The following CCDC192 variants were observed in gnomAD, a reference collection of about 807,000 sequenced individuals.
The protein encoded by CCDC192 is coiled-coil domain-containing protein 192.
chr5:127,791,164 A>G (rs1195175306), intron 3 of CCDC192, among the ~76,000 whole-genome samples: 3 of 152,204 alleles, frequency 2.0e-5, no homozygotes, highest in African/African-American at 7.2e-5. Flanking sequence ...CATCTGAAAA[A>G]TTGTGTACAG....
chr5:127,939,672 A>G (rs1754314517), intron 6 of CCDC192, among the ~76,000 whole-genome samples: 1 of 139,012 alleles, frequency 7.2e-6, no homozygotes, highest in Non-Finnish European at 1.5e-5. Flanking sequence ...TTGTTGAGAA[A>G]CGGGTTATTT....
intron 3 of CCDC192, among the ~76,000 whole-genome samples, chr5:127,794,660 TTACA>T (rs5871274): frequency 0.14 from 21,518 of 152,046 alleles, 3,500 homozygotes; most frequent in African/African-American, 0.38. Flanking sequence ...CTACAAATTC[TTACA>T]TATAATAAAT....
intron 2 of CCDC192, among the ~76,000 whole-genome samples, chr5:127,750,211 G>C (rs1561464691): frequency 6.6e-6 from 1 of 152,072 alleles, no homozygotes; most frequent in African/African-American, 2.4e-5. Flanking sequence ...ATGTTAGGGT[G>C]TCAATTTTGC....
intron 5 of CCDC192, among the ~76,000 whole-genome samples, chr5:127,808,852 A>G (rs1757931699): frequency 6.6e-6 from 1 of 152,182 alleles, no homozygotes; most frequent in Non-Finnish European, 1.5e-5. Context: ...GGTGCTCAGT[A>G]AATACCTTGT....
intron 3 of CCDC192, among the ~76,000 whole-genome samples, chr5:127,764,884 G>GT: frequency 6.6e-6 from 1 of 152,330 alleles, no homozygotes; most frequent in Non-Finnish European, 1.5e-5. Flanking sequence ...CTGGAAATAG[G>GT]TTTTCTTCTA....
At chr5:127,742,858 G>A (rs1753501320) in intron 2 of CCDC192, among the ~76,000 whole-genome samples, 1 of 152,098 alleles carries the variant, frequency 6.6e-6, no homozygotes, top group Admixed American at 6.5e-5. Context: ...AGTTTGCCTT[G>A]TCCTTTTGTT....
chr5:127,820,695 A>G (rs1749248116), intron 5 of CCDC192, among the ~76,000 whole-genome samples: 1 of 152,118 alleles, frequency 6.6e-6, no homozygotes, highest in Non-Finnish European at 1.5e-5. Context: ...ACATAGAAAA[A>G]CACATATATA....
chr5:127,802,365 A>G (rs1048756706), intron 5 of CCDC192, among the ~76,000 whole-genome samples: 1 of 152,130 alleles, frequency 6.6e-6, no homozygotes, highest in East Asian at 1.9e-4. Context: ...ATAAAGTCTA[A>G]CCTCCTGACC....
Position 127,886,959 on chromosome 5 carries a change from C to A in CCDC192, c.535+11298C>A, listed in dbSNP as rs73785719. ...TTGTTACCAGTCTTCAAAGGCAGAA[C>A]AAGTACTTACAAGACAGATCAAGGG... On this transcript the variant is annotated intron_variant, in intron 6 of 6. Coordinates refer to ENST00000514853, the MANE Select transcript of CCDC192 (RefSeq NM_001317938.2). Among the ~76,000 whole-genome samples the A allele has an allele frequency of 4.3e-3, 648 of 152,248 alleles. 6 individuals are homozygous for A. The highest frequency in any genetic ancestry group is 0.015 in the African/African-American group (619 of 41,542).
At chr5:127,780,094 C>T (rs537344059) in intron 3 of CCDC192, among the ~76,000 whole-genome samples, 44 of 151,948 alleles carry the variant, frequency 2.9e-4, no homozygotes, top group Non-Finnish European at 5.7e-4. Flanking sequence ...AGTATTCCAT[C>T]ATATATATCT....
chr5:127,779,391 G>T (rs1395443832), intron 3 of CCDC192, among the ~76,000 whole-genome samples: 1 of 152,074 alleles, frequency 6.6e-6, no homozygotes, highest in African/African-American at 2.4e-5. Flanking sequence ...TGCCTCCCAG[G>T]TTTATGCCAT....
chr5:127,897,607 A>T (rs1457306921), intron 6 of CCDC192, among the ~76,000 whole-genome samples: 3 of 152,224 alleles, frequency 2.0e-5, no homozygotes, highest in South Asian at 2.1e-4. Flanking sequence ...TCTTGTGTAT[A>T]TATGGAATAA....
At chr5:127,776,654 G>C (rs774637892) in intron 3 of CCDC192, among the ~76,000 whole-genome samples, 9 of 152,188 alleles carry the variant, frequency 5.9e-5, no homozygotes, top group South Asian at 2.1e-4. Flanking sequence ...TCACACGCAT[G>C]GAGGCCTGGG....
chr5:127,732,101 C>G (rs1388336700), intron 2 of CCDC192, among the ~76,000 whole-genome samples: 1 of 151,964 alleles, frequency 6.6e-6, no homozygotes, highest in Non-Finnish European at 1.5e-5. Context: ...ATCTATTCAT[C>G]TGACAAAGGT....
intron 1 of CCDC192, among the ~76,000 whole-genome samples, chr5:127,706,373 A>G (rs1423988081): frequency 4.6e-5 from 7 of 152,132 alleles, no homozygotes; most frequent in African/African-American, 1.7e-4. Flanking sequence ...CCAAAAATAC[A>G]AAAATTAGCT....
chr5:127,770,840 A>G (rs529389427), intron 3 of CCDC192, among the ~76,000 whole-genome samples: 16 of 152,322 alleles, frequency 1.1e-4, no homozygotes, highest in African/African-American at 2.9e-4. Context: ...TATTATGTAT[A>G]GGTATAAGGG....
chr5:127,808,471 A>C (rs1428922844), intron 5 of CCDC192, among the ~76,000 whole-genome samples: 1 of 152,134 alleles, frequency 6.6e-6, no homozygotes, highest in Non-Finnish European at 1.5e-5. Context: ...ATTCAGTTAC[A>C]TAATTCTCAC....
chr5:127,870,745 C>T (rs1358696570), intron 5 of CCDC192, among the ~76,000 whole-genome samples: 2 of 152,210 alleles, frequency 1.3e-5, no homozygotes, highest in African/African-American at 4.8e-5. Flanking sequence ...ACATATTTGA[C>T]ATCCCTAGAC....
intron 5 of CCDC192, among the ~76,000 whole-genome samples, chr5:127,833,760 G>C (rs565186208): frequency 6.6e-6 from 1 of 152,106 alleles, no homozygotes; most frequent in Non-Finnish European, 1.5e-5. Flanking sequence ...TTAGCAATAA[G>C]TGTTACAGTA....
Sources: gnomAD v4.1 joint callset for allele counts (sites outside exome capture counted in the v4.1 genomes callset) on GRCh38, gnomAD v4.1.1 for gene constraint, MANE v1.5 for transcripts, NCBI Gene and HGNC (gene_info 2026-07-23, HGNC 2026-07-21) for gene names.